The following ZMIZ1 variants were observed in gnomAD, a reference collection of about 807,000 sequenced individuals.
The protein encoded by ZMIZ1 is zinc finger MIZ domain-containing protein 1.
Under a neutral mutation model 113.9 loss-of-function variants are expected in ZMIZ1, and 17 were observed. That is an observed-to-expected ratio of 0.15 (90% CI 0.10 to 0.22). The LOEUF is 0.22. Ranked by LOEUF, ZMIZ1 falls within the 10% of genes least tolerant of loss-of-function variation. The pLI is 1.00. For missense variants in ZMIZ1, 1,059 were observed against 1,477.8 expected (o/e 0.72, Z 4.65); for synonymous variants, 607 against 603.1 (o/e 1.01, Z -0.09).
intron 6 of ZMIZ1, among the ~76,000 whole-genome samples, chr10:79,212,733 G>C (rs904832806): frequency 3.3e-5 from 5 of 150,200 alleles, no homozygotes; most frequent in African/African-American, 1.2e-4. Context: ...TGCAGCCTGG[G>C]CAACAGAGCG....
intron 5 of ZMIZ1, among the ~76,000 whole-genome samples, chr10:79,205,320 A>G (rs1400916528): frequency 1.3e-5 from 2 of 151,682 alleles, no homozygotes; most frequent in African/African-American, 4.9e-5. Flanking sequence ...CCCTCCCTCC[A>G]CCTCCCACTG....
intron 4 of ZMIZ1, among the ~76,000 whole-genome samples, chr10:79,165,958 G>GTCTGGGCTCTTCCTGCAGCTCAGC (rs1564692647): frequency 2.2e-4 from 7 of 32,300 alleles, no homozygotes; most frequent in African/African-American, 1.2e-3. Flanking sequence ...CTGTGTGTGT[G>GTCTGGGCTCTTCCTGCAGCTCAGC]TGTGTGTGTG....
intron 4 of ZMIZ1, among the ~76,000 whole-genome samples, chr10:79,182,187 C>T (rs142301174): frequency 2.0e-5 from 3 of 152,340 alleles, no homozygotes; most frequent in Non-Finnish European, 4.4e-5. Context: ...ATGTCCTGCT[C>T]ATGCAATTTA....
chr10:79,086,209 T>C (rs911383230), intron 1 of ZMIZ1, among the ~76,000 whole-genome samples: 4 of 152,182 alleles, frequency 2.6e-5, no homozygotes, highest in Admixed American at 6.5e-5. Flanking sequence ...GTGTGGACAG[T>C]GACAGAATGC....
At chr10:79,311,299 GGTGGGA>G in intron 24 of ZMIZ1, 115 bp downstream of exon 24, 6 of 1,254,716 alleles carry the variant, frequency 4.8e-6, no homozygotes, top group East Asian at 5.9e-5. Context: ...GTGGGTGGGC[GGTGGGA>G]GGGCTTCACC....
intron 7 of ZMIZ1, among the ~76,000 whole-genome samples, chr10:79,223,143 G>A (rs1005659782): frequency 6.6e-6 from 1 of 152,244 alleles, no homozygotes; most frequent in Non-Finnish European, 1.5e-5. Flanking sequence ...CCGTTACTGG[G>A]AGGACAAATG....
intron 6 of ZMIZ1, among the ~76,000 whole-genome samples, chr10:79,211,289 C>T (rs1222791325): frequency 6.6e-6 from 1 of 152,192 alleles, no homozygotes; most frequent in African/African-American, 2.4e-5. Context: ...GTCCCACAGA[C>T]TCCCTGGGAG....
intron 6 of ZMIZ1, among the ~76,000 whole-genome samples, chr10:79,212,342 A>C (rs1589430651): frequency 6.6e-6 from 1 of 151,482 alleles, no homozygotes; most frequent in Non-Finnish European, 1.5e-5. Context: ...ATTTTTTTTT[A>C]ATTTTTTTCT....
At chr10:79,130,582 C>T (rs375432486) in intron 2 of ZMIZ1, among the ~76,000 whole-genome samples, 1 of 152,342 alleles carries the variant, frequency 6.6e-6, no homozygotes, top group African/African-American at 2.4e-5. Context: ...CTCCCCAGCA[C>T]ACATGCAGAC....
In ZMIZ1 at chr10:79,270,107, C is replaced by T. The variant is rs372540937; in HGVS notation, c.281-7074C>T. On this transcript the variant is annotated intron_variant, in intron 7 of 24. Transcript: ENST00000334512. ...GGCAAATACAGGGCCTGTCACTGCC[C>T]CTGGGGAGGGCACGCCTGAGCAAGC... is the stretch of plus-strand genomic sequence containing the variant. 5.3e-5 allele frequency among the ~76,000 whole-genome samples: 8 copies of T among 152,326 alleles called. No individual in the cohort carries two copies. The East Asian group carries it at 7.7e-4, about 15-fold the overall frequency.
chr10:79,262,699 G>A (rs947647703), intron 7 of ZMIZ1, among the ~76,000 whole-genome samples: 16 of 152,216 alleles, frequency 1.1e-4, no homozygotes, highest in Non-Finnish European at 5.9e-5. Context: ...GCGTGTGCTT[G>A]TGCACGACTA....
intron 7 of ZMIZ1, among the ~76,000 whole-genome samples, chr10:79,263,049 T>C (rs1654394813): frequency 1.3e-5 from 2 of 152,258 alleles, no homozygotes; most frequent in African/African-American, 4.8e-5. Flanking sequence ...CAACAGGTTT[T>C]GGGTCGAGAA....
intron 3 of ZMIZ1, among the ~76,000 whole-genome samples, chr10:79,156,822 T>C (rs1845920460): frequency 6.6e-6 from 1 of 152,210 alleles, no homozygotes; most frequent in Non-Finnish European, 1.5e-5. Context: ...GTTACTGCTC[T>C]TCGGTGAAAA....
rs188305595 is a variant in ZMIZ1, at chr10:79,101,404, G to A, written c.-336-17511G>A. 2.6e-5 allele frequency among the ~76,000 whole-genome samples: 4 copies of A among 152,268 alleles called. No homozygotes were observed. In the East Asian group the frequency reaches 7.7e-4, roughly 29 times the overall value. ...GAGTGCTGGGGGGATGCTGTCAGAGGGGCACAGCTCTTGAAGCCAGGCCAG... is the reference window on the plus strand; with the variant it reads ...GAGTGCTGGGGGGATGCTGTCAGAGAGGCACAGCTCTTGAAGCCAGGCCAG... On this transcript the variant is annotated intron_variant, in intron 1 of 24. Transcript: ENST00000334512.
Position 79,296,554 on chromosome 10 carries a change from G to A in ZMIZ1, c.1314G>A (p.Arg438=), listed in dbSNP as rs1490205935. 4 of 1,612,800 alleles carry A rather than the reference G, an allele frequency of 2.5e-6. No homozygotes were observed. Among genetic ancestry groups the A allele is most frequent in the South Asian group, 1.1e-5 (1 of 91,028 alleles). ...PGQYPAPNPP[R]PLTSPNYPGQ... ...AGTACCCAGCCCCCAACCCCCCGAGGCCACTCACCTCCCCCAACTACCCAG... is the reference window on the plus strand; with the variant it reads ...AGTACCCAGCCCCCAACCCCCCGAGACCACTCACCTCCCCCAACTACCCAG... Residue 438 remains arginine, a synonymous_variant, in exon 13 of 25, where the codon AGG becomes AGA. Coordinates refer to ENST00000334512, the MANE Select transcript of ZMIZ1 (RefSeq NM_020338.4). This position sits in a 1 kb window ranked among gnomAD's most constrained non-coding sequence, Gnocchi z 4.1.
At chr10:79,147,995 G>A (rs1845562645) in intron 3 of ZMIZ1, among the ~76,000 whole-genome samples, 1 of 152,240 alleles carries the variant, frequency 6.6e-6, no homozygotes, top group Admixed American at 6.5e-5. Flanking sequence ...AGGTTTGTCA[G>A]CCTGCATACT....
intron 1 of ZMIZ1, among the ~76,000 whole-genome samples, chr10:79,072,259 C>A (rs1564634083): frequency 1.3e-5 from 2 of 152,178 alleles, no homozygotes; most frequent in Non-Finnish European, 2.9e-5. Flanking sequence ...ACCAGTTTCT[C>A]CCTCACGCAC....
chr10:79,175,583 C>CAT (rs1846799893), intron 4 of ZMIZ1, among the ~76,000 whole-genome samples: 2 of 125,306 alleles, frequency 1.6e-5, no homozygotes, highest in South Asian at 5.5e-4. Flanking sequence ...GTGCACTCTG[C>CAT]GTGTGTGTGT....
intron 1 of ZMIZ1, among the ~76,000 whole-genome samples, chr10:79,108,472 G>A (rs192796783): frequency 6.6e-6 from 1 of 152,178 alleles, no homozygotes; most frequent in African/African-American, 2.4e-5. Context: ...GGGATGGGAG[G>A]GTGGTGCTCA....
Sources: allele counts gnomAD v4.1 joint callset (sites outside exome capture counted in the v4.1 genomes callset), GRCh38; gene constraint gnomAD v4.1.1; non-coding constraint Gnocchi (gnomAD v3.1); transcripts MANE v1.5; gene names NCBI Gene and HGNC (gene_info 2026-07-23, HGNC 2026-07-21).